Variants in SV2C observed in about 807,000 individuals in gnomAD.
SV2C encodes synaptic vesicle glycoprotein 2C.
In SV2C, 49 loss-of-function variants were observed where a neutral mutation model predicts 79.7. The ratio of observed to expected loss-of-function variants is 0.61; its 90% CI spans 0.49 to 0.78. The LOEUF is 0.78. Among genes scored for constraint, SV2C ranks in the 30% least tolerant of loss-of-function variants. The pLI, the probability that SV2C is intolerant of heterozygous loss-of-function variation, is 0.00. For synonymous variants in SV2C, 334 were observed against 333.2 expected, an observed-to-expected ratio of 1.00 and a Z score of -0.03; for missense variants, 833 against 912.9, an observed-to-expected ratio of 0.91 and a Z score of 1.13.
chr5:75,964,868 G>T, the SV2C span, among the ~76,000 whole-genome samples: 3 of 152,124 alleles, frequency 2.0e-5, no homozygotes, highest in African/African-American at 4.8e-5. Flanking sequence ...CATTATGAAG[G>T]TTCTGTTACT....
At chr5:76,184,194 T>C (rs1049220731) in intron 2 of SV2C, among the ~76,000 whole-genome samples, 2 of 152,186 alleles carry the variant, frequency 1.3e-5, no homozygotes, top group African/African-American at 2.4e-5. Context: ...TGTTTTGTTT[T>C]TCTTAAAGCT....
At chr5:76,241,463 T>C (rs1472280148) in intron 4 of SV2C, among the ~76,000 whole-genome samples, 1 of 152,194 alleles carries the variant, frequency 6.6e-6, no homozygotes, top group Non-Finnish European at 1.5e-5. Flanking sequence ...CGACCCTGAC[T>C]TTCAGGAAGT....
At position 76,236,869 on chromosome 5, in the gene SV2C, C is replaced by T. The variant is rs187122826; in HGVS notation, c.913+26982C>T. 6.0e-4 allele frequency among the ~76,000 whole-genome samples: 91 copies of T among 152,252 alleles called. 1 individual carries two copies. The East Asian group carries it at 0.015, about 25-fold the overall frequency. On this transcript the variant is annotated intron_variant, in intron 4 of 12. Transcript: ENST00000502798. ...CCCCATAATCCCCACATGTCAAAGG[C>T]GGGAACAGGTGGAGGTAATTGCATC...
chr5:76,144,011 A>G (rs1749341986), intron 2 of SV2C, among the ~76,000 whole-genome samples: 1 of 115,422 alleles, frequency 8.7e-6, no homozygotes. Context: ...TAAAAACTTG[A>G]TGGCCTAATT....
intron 3 of SV2C, among the ~76,000 whole-genome samples, chr5:76,196,351 G>GA (rs556155932): frequency 3.3e-5 from 5 of 151,372 alleles, no homozygotes; most frequent in Admixed American, 6.6e-5. Flanking sequence ...TGTTCTTGGG[G>GA]AAAAAAAAAT....
intron 12 of SV2C, among the ~76,000 whole-genome samples, chr5:76,349,441 TG>T (rs1749606589): frequency 6.6e-6 from 1 of 151,126 alleles, no homozygotes; most frequent in Non-Finnish European, 1.5e-5. Context: ...GAACCCGGGA[TG>T]GGGAGGTTGC....
chr5:76,252,330 AG>A (rs1746139265), intron 4 of SV2C, among the ~76,000 whole-genome samples: 1 of 152,206 alleles, frequency 6.6e-6, no homozygotes, highest in African/African-American at 2.4e-5. Context: ...CATGTTGGCC[AG>A]GCTGGTCTCA....
downstream of SV2C, among the ~76,000 whole-genome samples, chr5:76,334,921 GA>G (rs1477351672): frequency 1.3e-5 from 2 of 152,196 alleles, no homozygotes; most frequent in East Asian, 3.8e-4. Context: ...TGTAAGCAAG[GA>G]AAAAGGCAGG....
At chr5:76,175,037 A>G (rs1421345431) in intron 2 of SV2C, among the ~76,000 whole-genome samples, 1 of 152,212 alleles carries the variant, frequency 6.6e-6, no homozygotes, top group Non-Finnish European at 1.5e-5. Flanking sequence ...GACCCCTCAC[A>G]GTTCTTGAGA....
intron 4 of SV2C, among the ~76,000 whole-genome samples, chr5:76,279,313 G>A (rs1747112878): frequency 6.6e-6 from 1 of 152,232 alleles, no homozygotes. Context: ...ACAGTGGCAT[G>A]CAGGTGGCAC....
the SV2C span, among the ~76,000 whole-genome samples, chr5:76,005,065 T>A: frequency 6.6e-6 from 1 of 152,194 alleles, no homozygotes; most frequent in Non-Finnish European, 1.5e-5. Flanking sequence ...TTTCTAAACC[T>A]TTCTTGAAGC....
intron 12 of SV2C, among the ~76,000 whole-genome samples, chr5:76,339,578 G>A (rs1749399643): frequency 6.6e-6 from 1 of 152,054 alleles, no homozygotes; most frequent in South Asian, 2.1e-4. Context: ...ACTGGGTGTG[G>A]TGGTGGGCAC....
At chr5:76,139,759 G>A (rs1749191818) in intron 2 of SV2C, among the ~76,000 whole-genome samples, 1 of 151,884 alleles carries the variant, frequency 6.6e-6, no homozygotes, top group Non-Finnish European at 1.5e-5. Flanking sequence ...CGAAAACAGA[G>A]CTAGACCAAT....
intron 12 of SV2C, among the ~76,000 whole-genome samples, chr5:76,306,417 C>A (rs1748196849): frequency 6.6e-6 from 1 of 152,046 alleles, no homozygotes; most frequent in Non-Finnish European, 1.5e-5. Flanking sequence ...GGATGAAGAC[C>A]AAATACTTAT....
the SV2C span, chr5:75,921,543 G>T: frequency 2.4e-6 from 2 of 835,968 alleles, no homozygotes; most frequent in Admixed American, 1.7e-5. Flanking sequence ...ATGATTGAAG[G>T]CATGGTCTTG....
chr5:76,285,138 A>G (rs764638752), intron 4 of SV2C, 24 bp from the exon 5 acceptor site: 6 of 1,612,174 alleles, frequency 3.7e-6, no homozygotes, highest in Admixed American at 3.3e-5. Context: ...GCTCTCCCTC[A>G]CTCTCCGTGT....
At chr5:75,885,344 C>G in the SV2C span, among the ~76,000 whole-genome samples, 5 of 152,076 alleles carry the variant, frequency 3.3e-5, no homozygotes. Context: ...GAAATAGAGA[C>G]AGTATCTGCC....
At chr5:76,297,972 C>CT (rs1490572440) in intron 9 of SV2C, among the ~76,000 whole-genome samples, 2 of 152,112 alleles carry the variant, frequency 1.3e-5, no homozygotes, top group Non-Finnish European at 2.9e-5. Context: ...GAATATTTAT[C>CT]TGTGTCTGCT....
chr5:76,143,505 C>T (rs1749325797), intron 2 of SV2C, among the ~76,000 whole-genome samples: 1 of 152,200 alleles, frequency 6.6e-6, no homozygotes, highest in Non-Finnish European at 1.5e-5. Flanking sequence ...CCTCTGTCCA[C>T]AAAATGTGAG....
Sources: gnomAD v4.1 joint callset for allele counts (sites outside exome capture counted in the v4.1 genomes callset) on GRCh38, gnomAD v4.1.1 for gene constraint, MANE v1.5 for transcripts, NCBI Gene and HGNC (gene_info 2026-07-23, HGNC 2026-07-21) for gene names.